The following WNK1 variants were observed in gnomAD, a reference collection of about 807,000 sequenced individuals.
WNK1 encodes WNK lysine deficient protein kinase 1, also known as serine/threonine-protein kinase WNK1.
In WNK1, 38 loss-of-function variants were observed where a neutral mutation model predicts 222.8. The observed-to-expected ratio is 0.17, with a 90% CI of 0.13 to 0.22. WNK1 has a LOEUF of 0.22. WNK1 is among the 10% of genes least tolerant of loss of function. WNK1 has a pLI of 1.00. For missense variants in WNK1, 2,348 were observed against 2,918.4 expected, an observed-to-expected ratio of 0.80 and a Z score of 4.50; for synonymous variants, 1,090 against 1,092.9, an observed-to-expected ratio of 1.00 and a Z score of 0.05.
intron 20 of WNK1, among the ~76,000 whole-genome samples, chr12:887,627 C>T (rs369407009): frequency 3.9e-5 from 6 of 151,970 alleles, no homozygotes; most frequent in African/African-American, 1.2e-4. Context: ...TGTAGAATAG[C>T]GAAATTGCGT....
chr12:841,605 G>A (rs1258675197), intron 4 of WNK1, among the ~76,000 whole-genome samples: 2 of 152,110 alleles, frequency 1.3e-5, no homozygotes, highest in Non-Finnish European at 2.9e-5. Context: ...TGAGAACAAT[G>A]TTTTAGTCCA....
At chr12:817,482 T>TG (rs1291616439) in intron 2 of WNK1, among the ~76,000 whole-genome samples, 3 of 152,198 alleles carry the variant, frequency 2.0e-5, no homozygotes, top group Non-Finnish European at 4.4e-5. Flanking sequence ...CTAGGACCAT[T>TG]GGCAGCATTT....
chr12:896,158 G>C lies in WNK1; in HGVS notation c.5671G>C (p.Glu1891Gln), dbSNP rs777407811. Residue 1891 changes from glutamate (E) to glutamine (Q), a missense_variant, in exon 24 of 28, where the codon GAG (glutamate) becomes CAG (glutamine). Transcript: ENST00000315939. ...TGTTCATTTTGAATCCAGCACCTCA[G>C]AGTCCTCAGTGCTATCAAGTAGTAG... ...KSVHFESSTS[E>Q]SSVLSSSSPE... 6.2e-7 allele frequency: 1 copy of C among 1,614,202 alleles called. No homozygotes were observed. The highest frequency in any genetic ancestry group is 1.3e-5 in the African/African-American group (1 of 75,044).
At chr12:873,490 A>G (rs1952342206) in intron 9 of WNK1, among the ~76,000 whole-genome samples, 1 of 152,188 alleles carries the variant, frequency 6.6e-6, no homozygotes, top group South Asian at 2.1e-4. Context: ...CACAAAATTG[A>G]GCCCTCGATA....
In WNK1 at chr12:886,045, T is replaced by C. The variant is rs1364386968; in HGVS notation, c.5241T>C (p.Pro1747=). 2 of 1,604,118 alleles carry C rather than the reference T, an allele frequency of 1.2e-6. No individual in the cohort carries two copies. Among genetic ancestry groups the C allele is most frequent in the East Asian group, 2.2e-5 (1 of 44,860 alleles). The change falls in exon 19 of 28, where the codon CCT becomes CCC. Residue 1747 remains proline, a synonymous_variant. Coordinates refer to ENST00000315939, the MANE Select transcript of WNK1 (RefSeq NM_018979.4). ...PVSTTTSGVK[P]GTAPSKPPLT... ...GCACTACTACATCAGGAGTGAAACC[T>C]GGAACTGCTCCCTCCAAGCCACCTC...
At chr12:780,731 A>T (rs1943609050) in intron 1 of WNK1, among the ~76,000 whole-genome samples, 1 of 152,208 alleles carries the variant, frequency 6.6e-6, no homozygotes, top group African/African-American at 2.4e-5. Context: ...TTAGAGTGGG[A>T]GACTTAGTTC....
intron 2 of WNK1, among the ~76,000 whole-genome samples, chr12:823,913 T>C (rs1433965265): frequency 2.0e-5 from 3 of 149,628 alleles, no homozygotes; most frequent in East Asian, 3.9e-4. Context: ...TTTTTTTTTT[T>C]TTTTTTTTGG....
chr12:885,278 G>A lies in WNK1; in HGVS notation c.4474G>A (p.Val1492Ile), dbSNP rs774954731. 11 of 1,614,016 alleles carry A rather than the reference G, an allele frequency of 6.8e-6. No homozygotes were observed. The highest frequency in any genetic ancestry group is 6.7e-5 in the African/African-American group (5 of 74,908). The change falls in exon 19 of 28, where the codon GTT becomes ATT. Residue 1492 changes from valine (V) to isoleucine (I), a missense_variant. Val to Ile is a conservative substitution (Grantham distance 29, BLOSUM62 3). This residue lies in a region of WNK1 where 1,144 missense variants were observed against 1,273.6 expected (regional missense o/e 0.90). Coordinates refer to ENST00000315939, the MANE Select transcript of WNK1 (RefSeq NM_018979.4). Reference sequence around the variant, plus strand: ...TACTGTGGGAGCCACATTAACATCAGTTTCTACCACCACTTCATTCCCAAG... The same window carrying A: ...TACTGTGGGAGCCACATTAACATCAATTTCTACCACCACTTCATTCCCAAG... ...STTVGATLTS[V>I]STTTSFPSTA...
rs1240503074 is a variant in WNK1, at chr12:897,538, A to T, written c.6305A>T (p.Tyr2102Phe). The change falls in exon 25 of 28, where the codon TAT (tyrosine) becomes TTT (phenylalanine). Residue 2102 changes from tyrosine (Y) to phenylalanine (F), a missense_variant. Tyr to Phe is a conservative substitution (Grantham distance 22). This residue lies in a region of WNK1 where 1,144 missense variants were observed against 1,273.6 expected (regional missense o/e 0.90). Coordinates refer to ENST00000315939, the MANE Select transcript of WNK1 (RefSeq NM_018979.4). ...CAGAAGCATGAAATTGAATCTTTGT[A>T]TACCAAACTGGGCAAGGTGCCCCCT... is the stretch of plus-strand genomic sequence containing the variant. ...SRQKHEIESL[Y>F]TKLGKVPPAV... 1.2e-6 allele frequency: 2 copies of T among 1,613,680 alleles called. No individual in the cohort carries two copies. The highest frequency in any genetic ancestry group is 3.3e-5 in the Admixed American group (2 of 60,030).
At chr12:863,727 G>A (rs764622909) in intron 8 of WNK1, among the ~76,000 whole-genome samples, 3 of 151,772 alleles carry the variant, frequency 2.0e-5, no homozygotes, top group Non-Finnish European at 4.4e-5. Flanking sequence ...ATTCTATGGA[G>A]GTATTATGAA....
chr12:785,129 C>T (rs1028721252), intron 1 of WNK1, among the ~76,000 whole-genome samples: 2 of 152,080 alleles, frequency 1.3e-5, no homozygotes, highest in Admixed American at 6.6e-5. Context: ...ATTCTCTGTT[C>T]CCTGTAACCT....
chr12:807,410 G>A (rs1229487645), intron 1 of WNK1, among the ~76,000 whole-genome samples: 1 of 151,668 alleles, frequency 6.6e-6, no homozygotes, highest in African/African-American at 2.4e-5. Flanking sequence ...TATGTACTGG[G>A]CTTATTTTTT....
At position 883,848 on chromosome 12, in the gene WNK1, T is replaced by C; in HGVS notation, c.3721+17T>C. The C allele has an allele frequency of 6.2e-7, 1 of 1,613,128 alleles. No homozygotes were observed. Among genetic ancestry groups the C allele is most frequent in the Non-Finnish European group, 8.5e-7 (1 of 1,179,956 alleles). ...AGCAAATAGGTGAATTTATTTTCTT[T>C]CCTTGTTTTTACCTTTGACTTAAGA... is the stretch of plus-strand genomic sequence containing the variant. On this transcript the variant is annotated intron_variant, in intron 17 of 27. Transcript: ENST00000315939.
chr12:804,388 A>G (rs1044436480), intron 1 of WNK1, among the ~76,000 whole-genome samples: 1 of 152,046 alleles, frequency 6.6e-6, no homozygotes, highest in African/African-American at 2.4e-5. Context: ...ATCCATATCT[A>G]GAACTTTTTC....
rs111033591 is a variant in WNK1 at position 868,697 on chromosome 12, C to T, written c.2140-2568C>T. The T allele has an allele frequency of 8.1e-6, 13 of 1,613,766 alleles. No homozygotes were observed. Among genetic ancestry groups the T allele is most frequent in the African/African-American group, 2.7e-5 (2 of 74,944 alleles). ...TGGAATTTTACCTCAGCGTGTTTAC[C>T]GAAATCGGCAGGTTGCAGTGGACTT... On this transcript the variant is annotated intron_variant, in intron 8 of 27. Transcript: ENST00000315939.
chr12:806,206 A>G (rs1946354399), intron 1 of WNK1, among the ~76,000 whole-genome samples: 1 of 152,224 alleles, frequency 6.6e-6, no homozygotes, highest in Admixed American at 6.5e-5. Context: ...TTTACAGGCA[A>G]GGAAACTAAA....
intron 2 of WNK1, among the ~76,000 whole-genome samples, chr12:818,878 A>G (rs1947605605): frequency 6.6e-6 from 1 of 152,214 alleles, no homozygotes; most frequent in South Asian, 2.1e-4. Context: ...ATTGATGAAC[A>G]TTTGGGCTGT....
At chr12:787,777 A>G (rs985543471) in intron 1 of WNK1, among the ~76,000 whole-genome samples, 1 of 152,122 alleles carries the variant, frequency 6.6e-6, no homozygotes, top group African/African-American at 2.4e-5. Flanking sequence ...GGACAGGCAC[A>G]ACAAAAAAAT....
intron 9 of WNK1, among the ~76,000 whole-genome samples, chr12:872,695 C>T (rs1307110785): frequency 6.6e-6 from 1 of 152,072 alleles, no homozygotes. Context: ...TGTTAGTTCC[C>T]CATGTGGGTT....
Sources: allele counts gnomAD v4.1 joint callset (sites outside exome capture counted in the v4.1 genomes callset), GRCh38; gene constraint gnomAD v4.1.1; regional missense constraint gnomAD v4.1.1; transcripts MANE v1.5; gene names NCBI Gene and HGNC (gene_info 2026-07-23, HGNC 2026-07-21).